SH3D19: variants seen among roughly 807,000 people sequenced by gnomAD.
SH3D19 encodes the protein SH3 domain containing 19.
In SH3D19, 58 loss-of-function variants were observed where a neutral mutation model predicts 112.1. The observed-to-expected ratio is 0.52, with a 90% CI of 0.42 to 0.64. The LOEUF (loss-of-function observed/expected upper bound fraction) is 0.64, where lower values mean the gene tolerates loss of function less well. Among genes scored for constraint, SH3D19 ranks in the 30% least tolerant of loss-of-function variants. The pLI is 0.00. For synonymous variants in SH3D19, 391 were observed against 448.5 expected (o/e 0.87, Z 1.62); for missense variants, 1,090 against 1,263.4 (o/e 0.86, Z 2.08).
intron 9 of SH3D19, among the ~76,000 whole-genome samples, chr4:151,159,011 C>T (rs1050130851): frequency 6.6e-6 from 1 of 152,070 alleles, no homozygotes; most frequent in African/African-American, 2.4e-5. Context: ...AGTTGGTATA[C>T]AAATTATTTT....
At chr4:151,134,077 G>GTTT (rs1751312163) in intron 15 of SH3D19, among the ~76,000 whole-genome samples, 1 of 152,186 alleles carries the variant, frequency 6.6e-6, no homozygotes, top group South Asian at 2.1e-4. Context: ...GTCAATGACT[G>GTTT]TAAAAGCCCA....
intron 1 of SH3D19, chr4:151,280,108 T>A: frequency 1.3e-6 from 1 of 746,724 alleles, no homozygotes; most frequent in Non-Finnish European, 2.2e-6. Context: ...CCGAAACAAC[T>A]AGAGACAGGG....
intron 1 of SH3D19, among the ~76,000 whole-genome samples, chr4:151,286,326 A>C (rs997384583): frequency 1.3e-5 from 2 of 151,328 alleles, no homozygotes; most frequent in African/African-American, 2.4e-5. Context: ...TAAAAAGATC[A>C]ATAAAATTGA....
intron 1 of SH3D19, among the ~76,000 whole-genome samples, chr4:151,281,829 G>A (rs749558032): frequency 5.9e-5 from 9 of 152,084 alleles, no homozygotes; most frequent in Non-Finnish European, 1.0e-4. Context: ...ACAATAAACA[G>A]CAATGTCTAT....
At chr4:151,318,564 G>A (rs182622905) in intron 1 of SH3D19, among the ~76,000 whole-genome samples, 1 of 152,140 alleles carries the variant, frequency 6.6e-6, no homozygotes, top group Admixed American at 6.5e-5. Flanking sequence ...CTATTCCCAA[G>A]TGAAGAAAAT....
At chr4:151,226,317 T>C (rs1303159997) in intron 1 of SH3D19, 3 of 1,188,168 alleles carry the variant, frequency 2.5e-6, no homozygotes, top group Non-Finnish European at 3.1e-6. Flanking sequence ...ACTTGGAAAA[T>C]GCATCATTAC....
chr4:151,177,078 AC>A, intron 4 of SH3D19, 123 bp from the exon 5 acceptor site: 1 of 799,678 alleles, frequency 1.3e-6, no homozygotes, highest in East Asian at 3.4e-5. Flanking sequence ...TAACACAGTC[AC>A]AGAAATGACC....
intron 1 of SH3D19, chr4:151,277,335 C>A: frequency 1.2e-6 from 1 of 827,750 alleles, no homozygotes; most frequent in Non-Finnish European, 1.7e-6. Context: ...ATGAGTAGCA[C>A]AGCCTGAGAA....
chr4:151,282,790 T>A (rs1027451352), intron 1 of SH3D19, among the ~76,000 whole-genome samples: 1 of 152,060 alleles, frequency 6.6e-6, no homozygotes. Flanking sequence ...CAAGAACTGA[T>A]CTAGAAGCAA....
At chr4:151,210,401 A>AT (rs34777650) in intron 2 of SH3D19, among the ~76,000 whole-genome samples, 8,079 of 136,752 alleles carry the variant, frequency 0.059, 735 homozygotes, top group African/African-American at 0.19. Context: ...TATCATCCCA[A>AT]TTTTTTTTTT....
chr4:151,194,548 G>T (rs1398231765), intron 2 of SH3D19, among the ~76,000 whole-genome samples: 3 of 146,390 alleles, frequency 2.0e-5, no homozygotes, highest in East Asian at 4.3e-4. Flanking sequence ...CCGAGTAGCT[G>T]GGATTACAGG....
intron 9 of SH3D19, among the ~76,000 whole-genome samples, chr4:151,154,389 C>A (rs1396650077): frequency 6.6e-6 from 1 of 150,728 alleles, no homozygotes; most frequent in Non-Finnish European, 1.5e-5. Context: ...CCGCCTTGGC[C>A]TCCCAAAGTG....
chr4:151,184,615 C>T (rs1029725002), intron 3 of SH3D19, among the ~76,000 whole-genome samples: 5 of 152,074 alleles, frequency 3.3e-5, no homozygotes, highest in Admixed American at 1.3e-4. Flanking sequence ...CCTGTTTCAC[C>T]GTTTTCTCTT....
rs551615117 is a variant in SH3D19, at chr4:151,215,732, T to C, written c.152+10315A>G. On this transcript the variant is annotated intron_variant, in intron 2 of 19. Transcript: ENST00000604030. Reference sequence around the variant, plus strand: ...TGAGGGCAGAAATGAATGCTCTGATTTATTATGCAGAGGAGCTGCTAATCA... The same window carrying C: ...TGAGGGCAGAAATGAATGCTCTGATCTATTATGCAGAGGAGCTGCTAATCA... Among the ~76,000 whole-genome samples the C allele has an allele frequency of 2.1e-3, 316 of 152,354 alleles. 2 individuals carry two copies. Among genetic ancestry groups the C allele is most frequent in the African/African-American group, 7.4e-3 (308 of 41,586 alleles).
chr4:151,298,183 T>G (rs1775832294), intron 1 of SH3D19, among the ~76,000 whole-genome samples: 1 of 41,226 alleles, frequency 2.4e-5, no homozygotes, highest in African/African-American at 7.6e-5. Context: ...AATAATAAAT[T>G]TTTTTTTTTT....
intron 2 of SH3D19, among the ~76,000 whole-genome samples, chr4:151,197,100 A>G (rs1402680135): frequency 6.6e-6 from 1 of 152,202 alleles, no homozygotes; most frequent in Non-Finnish European, 1.5e-5. Flanking sequence ...TTCCTTAAAG[A>G]ACTAAAAGTA....
At chr4:151,265,538 A>T (rs2149992388) in intron 1 of SH3D19, among the ~76,000 whole-genome samples, 1 of 150,178 alleles carries the variant, frequency 6.7e-6, no homozygotes, top group South Asian at 2.1e-4. Context: ...TAGAATGATC[A>T]ATTAATCCTT....
At chr4:151,135,713 G>A (rs926280291) in intron 14 of SH3D19, among the ~76,000 whole-genome samples, 2 of 152,034 alleles carry the variant, frequency 1.3e-5, no homozygotes, top group Non-Finnish European at 2.9e-5. Flanking sequence ...ATAGGTGTGA[G>A]CTGCCGCACC....
chr4:151,186,037 A>G (rs1446778370), intron 3 of SH3D19, among the ~76,000 whole-genome samples: 6 of 151,966 alleles, frequency 3.9e-5, no homozygotes, highest in East Asian at 1.9e-4. Context: ...GAGACCATGT[A>G]TCGGGGGGGA....
Sources: allele counts gnomAD v4.1 joint callset (sites outside exome capture counted in the v4.1 genomes callset), GRCh38; gene constraint gnomAD v4.1.1; transcripts MANE v1.5; gene names NCBI Gene and HGNC (gene_info 2026-07-23, HGNC 2026-07-21).